The following KLHL29 variants were observed in gnomAD, a reference collection of about 807,000 sequenced individuals.
The protein encoded by KLHL29 is kelch-like protein 29.
In KLHL29, 21 loss-of-function variants were observed where a neutral mutation model predicts 80.4. The ratio of observed to expected loss-of-function variants is 0.26; its 90% confidence interval spans 0.19 to 0.38. KLHL29 has a LOEUF of 0.38. Ranked by LOEUF, KLHL29 falls within the 10% of genes least tolerant of loss-of-function variation. The pLI, the probability that KLHL29 is intolerant of heterozygous loss-of-function variation, is 1.00. For synonymous variants in KLHL29, 511 were observed against 526.8 expected (o/e 0.97, Z 0.41); for missense variants, 867 against 1,223.9 (o/e 0.71, Z 4.35).
chr2:23,496,422 T>C (rs1665266705), intron 2 of KLHL29, among the ~76,000 whole-genome samples: 1 of 152,168 alleles, frequency 6.6e-6, no homozygotes, highest in South Asian at 2.1e-4. Context: ...CTCCATTCAT[T>C]CCAGGTCCTC....
intron 6 of KLHL29, chr2:23,691,048 T>C (rs553025089): frequency 6.5e-6 from 1 of 153,714 alleles, no homozygotes; most frequent in African/African-American, 2.4e-5. Flanking sequence ...CTCCCGGCTC[T>C]CACCATTCTG....
intron 3 of KLHL29, among the ~76,000 whole-genome samples, chr2:23,633,029 C>T (rs922944490): frequency 6.6e-5 from 10 of 152,194 alleles, no homozygotes; most frequent in African/African-American, 1.9e-4. Flanking sequence ...GGCCAGCGCC[C>T]GTGAGCATCC....
chr2:23,698,664 TATAA>T (rs1672153836), intron 11 of KLHL29, among the ~76,000 whole-genome samples: 1 of 152,242 alleles, frequency 6.6e-6, no homozygotes, highest in African/African-American at 2.4e-5. Context: ...TATATCATTA[TATAA>T]ATAACCGGGT....
rs17045352 is a variant in KLHL29, at chr2:23,448,987, A to G, written c.-153-26573A>G. Among the ~76,000 whole-genome samples the G allele has an allele frequency of 9.1e-3, 1,388 of 152,308 alleles. 21 individuals are homozygous for G. Among genetic ancestry groups the G allele is most frequent in the African/African-American group, 0.032 (1,336 of 41,550 alleles). On this transcript the variant is annotated intron_variant, in intron 1 of 13. Transcript: ENST00000486442. ...CAAGGCACATGGGGAGGAAGGTCCAATGGATGTTGATTGAGCCAGTCTGCA... is the reference window on the plus strand; with the variant it reads ...CAAGGCACATGGGGAGGAAGGTCCAGTGGATGTTGATTGAGCCAGTCTGCA...
chr2:23,516,217 C>A (rs936583200), intron 2 of KLHL29, among the ~76,000 whole-genome samples: 2 of 150,650 alleles, frequency 1.3e-5, no homozygotes, highest in Non-Finnish European at 3.0e-5. Flanking sequence ...GCTCTACTTA[C>A]AGAAGACCCT....
rs141803036 is a variant in KLHL29 at position 23,644,986 on chromosome 2, C to A, written c.940+2136C>A. ...GTTGCCAGCACACTGGCTCTTTCCTCGAAATTCCATGTAACTCGCTTCTCT... is the reference window on the plus strand; with the variant it reads ...GTTGCCAGCACACTGGCTCTTTCCTAGAAATTCCATGTAACTCGCTTCTCT... On this transcript the variant is annotated intron_variant, in intron 5 of 13. Transcript: ENST00000486442. 6.2e-3 allele frequency among the ~76,000 whole-genome samples: 943 copies of A among 152,328 alleles called. 5 individuals are homozygous for A. The highest frequency in any genetic ancestry group is 0.02 in the Middle Eastern group (6 of 294).
At chr2:23,670,312 C>A (rs375728120) in intron 5 of KLHL29, 1 of 152,420 alleles carries the variant, frequency 6.6e-6, no homozygotes, top group East Asian at 1.9e-4. Flanking sequence ...GGTGTCAGTA[C>A]AGCCCACCTG....
At chr2:23,437,563 C>T (rs186632863) in intron 1 of KLHL29, among the ~76,000 whole-genome samples, 13 of 152,330 alleles carry the variant, frequency 8.5e-5, no homozygotes, top group Admixed American at 3.3e-4. Context: ...TCAACACTTT[C>T]GGTATAGGCT....
intron 3 of KLHL29, among the ~76,000 whole-genome samples, chr2:23,568,227 T>G (rs1308839318): frequency 1.3e-5 from 2 of 152,132 alleles, no homozygotes; most frequent in Non-Finnish European, 2.9e-5. Context: ...GATTCCAAAA[T>G]AAAGATATCA....
chr2:23,569,473 A>G (rs908621326), intron 3 of KLHL29, among the ~76,000 whole-genome samples: 1 of 152,168 alleles, frequency 6.6e-6, no homozygotes, highest in African/African-American at 2.4e-5. Context: ...CTCAGTTCTA[A>G]TGGTTTTCCC....
intron 2 of KLHL29, among the ~76,000 whole-genome samples, chr2:23,497,419 C>T (rs967793450): frequency 3.3e-5 from 5 of 152,066 alleles, no homozygotes; most frequent in Admixed American, 3.3e-4. Flanking sequence ...CTCTGGAGTT[C>T]CACATACCTG....
At chr2:23,454,980 G>T (rs1035677957) in intron 1 of KLHL29, among the ~76,000 whole-genome samples, 1 of 122,802 alleles carries the variant, frequency 8.1e-6, no homozygotes, top group Non-Finnish European at 1.7e-5. Context: ...TTGACAACTC[G>T]TAGAAACAGG....
At chr2:23,691,897 T>TGTC in intron 7 of KLHL29, 21 bp downstream of exon 7, 2 of 1,545,250 alleles carry the variant, frequency 1.3e-6, no homozygotes, top group South Asian at 2.4e-5. Context: ...GGGCCACATA[T>TGTC]GTCGCTTGGG....
At chr2:23,386,985 G>A (rs1240959210) in intron 1 of KLHL29, among the ~76,000 whole-genome samples, 1 of 152,164 alleles carries the variant, frequency 6.6e-6, no homozygotes, top group Non-Finnish European at 1.5e-5. Context: ...GGCAGACGCG[G>A]TCCGTTGGCG....
Position 23,706,643 on chromosome 2 carries a change from G to A in KLHL29, c.2607G>A (p.Lys869=). The A allele has an allele frequency of 5.2e-6, 8 of 1,531,406 alleles. No homozygotes were observed. The highest frequency in any genetic ancestry group is 7.0e-6 in the Non-Finnish European group (8 of 1,143,208). The allele number at this position is 1,531,406 out of a possible 1,614,324, so 94.9% of individuals were successfully genotyped here. Reference sequence around the variant, plus strand: ...TCAGACACGGCTGCGTCGTGATAAAGAAATATATTCAAAGCGGCTGACATC... The same window carrying A: ...TCAGACACGGCTGCGTCGTGATAAAAAAATATATTCAAAGCGGCTGACATC... The part of the protein sequence containing the change: ...PVFRHGCVVI[K]KYIQSG The change falls in exon 14 of 14, where the codon AAG becomes AAA. Residue 869 remains lysine, a synonymous_variant. Transcript: ENST00000486442.
chr2:23,699,812 C>G (rs965226340), intron 11 of KLHL29, among the ~76,000 whole-genome samples: 1 of 152,198 alleles, frequency 6.6e-6, no homozygotes, highest in Admixed American at 6.5e-5. Flanking sequence ...TGCAAGGCAG[C>G]CTTTCTGGGT....
Position 23,669,579 on chromosome 2 carries a change from G to T in KLHL29, c.941-14820G>T, listed in dbSNP as rs1450712673. The T allele has an allele frequency of 1.3e-5, 2 of 152,266 alleles. No homozygotes were observed. Among genetic ancestry groups the T allele is most frequent in the East Asian group, 1.9e-4 (1 of 5,186 alleles). 9.4% of individuals were successfully genotyped at this position (152,266 alleles called of 1,614,324 possible). ...GGCACACAGTGGGGGCTCCCTGAGT[G>T]CTGGGTACCCCGTGAGCAGCACCCG... is the stretch of plus-strand genomic sequence containing the variant. On this transcript the variant is annotated intron_variant, in intron 5 of 13. Coordinates refer to ENST00000486442, the MANE Select transcript of KLHL29 (RefSeq NM_052920.2). This position sits in a 1 kb window ranked among gnomAD's most constrained non-coding sequence, Gnocchi z 4.3.
rs760614208 is a variant in KLHL29, at chr2:23,531,212, G to T, written c.-45-30940G>T. Among the ~76,000 whole-genome samples, 4 of 152,264 alleles carry T rather than the reference G, an allele frequency of 2.6e-5. No homozygotes were observed. The South Asian group carries it at 8.3e-4, about 31-fold the overall frequency. On this transcript the variant is annotated intron_variant, in intron 2 of 13. Transcript: ENST00000486442. ...AATAGTGAGCGAAAGTCATTGCCAC[G>T]TGGTGGCCAGACAGCTGGGACCAGG...
At chr2:23,654,793 C>A (rs1670195089) in intron 5 of KLHL29, among the ~76,000 whole-genome samples, 1 of 151,658 alleles carries the variant, frequency 6.6e-6, no homozygotes, top group Non-Finnish European at 1.5e-5. Flanking sequence ...CCCTGAGAGG[C>A]AGAGTCATGG....
Sources: gnomAD v4.1 joint callset for allele counts (sites outside exome capture counted in the v4.1 genomes callset) on GRCh38, gnomAD v4.1.1 for gene constraint, Gnocchi (gnomAD v3.1) non-coding constraint, MANE v1.5 for transcripts, NCBI Gene and HGNC (gene_info 2026-07-23, HGNC 2026-07-21) for gene names.